The following SAP30BP variants were observed in gnomAD, a reference collection of about 807,000 sequenced individuals.
The protein encoded by SAP30BP is SAP30-binding protein.
A neutral mutation model predicts 46.3 loss-of-function variants in SAP30BP; 31 were observed. The ratio of observed to expected loss-of-function variants is 0.67; its 90% CI spans 0.50 to 0.90. The LOEUF (loss-of-function observed/expected upper bound fraction) is 0.90, where lower values mean the gene tolerates loss of function less well. Among genes scored for constraint, SAP30BP ranks in the 40% least tolerant of loss-of-function variants. SAP30BP has a pLI of 0.00. For missense variants in SAP30BP, 312 were observed against 391.0 expected, an observed-to-expected ratio of 0.80 and a Z score of 1.70; for synonymous variants, 169 against 144.2, an observed-to-expected ratio of 1.17 and a Z score of -1.23.
chr17:75,705,555 T>A, intron 9 of SAP30BP: 1 of 955,176 alleles, frequency 1.0e-6, no homozygotes, highest in South Asian at 4.1e-5. Context: ...TTTCTCATTC[T>A]TAACCCTTGA....
chr17:75,671,906 G>C (rs779166000), intron 3 of SAP30BP, 43 bp downstream of exon 3: 2 of 1,501,760 alleles, frequency 1.3e-6, no homozygotes, highest in Non-Finnish European at 1.9e-6. Flanking sequence ...TGCAAACAAG[G>C]TGTTTGAACA....
chr17:75,705,992 C>T lies in SAP30BP; in HGVS notation c.661-16C>T, dbSNP rs781631947. ...CAGCTTTGCCTGGTCTTATTCTCTTCCCTCTCCCTCTCCAGATTGAGTTTG... is the reference window on the plus strand; with the variant it reads ...CAGCTTTGCCTGGTCTTATTCTCTTTCCTCTCCCTCTCCAGATTGAGTTTG... On this transcript the variant is annotated splice_polypyrimidine_tract_variant and intron_variant, in intron 9 of 10. Coordinates refer to ENST00000584667, the MANE Select transcript of SAP30BP (RefSeq NM_013260.8). 3.7e-6 allele frequency: 6 copies of T among 1,612,038 alleles called. No homozygotes were observed. Among genetic ancestry groups the T allele is most frequent in the African/African-American group, 2.7e-5 (2 of 74,936 alleles).
chr17:75,692,348 G>A, intron 3 of SAP30BP: 1 of 985,446 alleles, frequency 1.0e-6, no homozygotes, highest in Non-Finnish European at 1.2e-6. Flanking sequence ...AGGTCTTGTT[G>A]CAGGGTCTTC....
chr17:75,690,048 A>G (rs1157944271), intron 3 of SAP30BP, among the ~76,000 whole-genome samples: 3 of 152,244 alleles, frequency 2.0e-5, no homozygotes, highest in Non-Finnish European at 4.4e-5. Flanking sequence ...CTGGGAGCCC[A>G]AACCTTACTT....
chr17:75,701,518 T>TCC (rs1304559785), intron 5 of SAP30BP, among the ~76,000 whole-genome samples: 2 of 152,130 alleles, frequency 1.3e-5, no homozygotes, highest in Non-Finnish European at 2.9e-5. Flanking sequence ...TTCTCCACTC[T>TCC]CCCATCGAAA....
At chr17:75,693,953 G>A (rs1403106588) in intron 4 of SAP30BP, among the ~76,000 whole-genome samples, 1 of 152,184 alleles carries the variant, frequency 6.6e-6, no homozygotes, top group East Asian at 1.9e-4. Context: ...TTTGGGAGGA[G>A]CAGGGACACT....
intron 5 of SAP30BP, among the ~76,000 whole-genome samples, chr17:75,701,089 A>G (rs913708896): frequency 2.3e-4 from 35 of 152,272 alleles, no homozygotes; most frequent in African/African-American, 7.9e-4. Flanking sequence ...CTCTCTCTGC[A>G]GTTCAGCTCT....
intron 4 of SAP30BP, among the ~76,000 whole-genome samples, chr17:75,698,845 G>T (rs964512705): frequency 6.6e-6 from 1 of 152,098 alleles, no homozygotes; most frequent in African/African-American, 2.4e-5. Context: ...CCATCCCCAC[G>T]CCCAGCTGGT....
intron 2 of SAP30BP, 36 bp from the exon 3 acceptor site, chr17:75,671,780 C>T: frequency 6.3e-7 from 1 of 1,589,978 alleles, no homozygotes; most frequent in Non-Finnish European, 8.6e-7. Flanking sequence ...AGGCCCGCTC[C>T]TTTAAGCTTA....
intron 4 of SAP30BP, among the ~76,000 whole-genome samples, chr17:75,698,827 C>T (rs1248935626): frequency 1.3e-5 from 2 of 152,244 alleles, no homozygotes; most frequent in African/African-American, 4.8e-5. Flanking sequence ...TGGCGCCTCC[C>T]TGCTTCCCCA....
chr17:75,695,112 T>C (rs2060298087), intron 4 of SAP30BP, among the ~76,000 whole-genome samples: 1 of 152,224 alleles, frequency 6.6e-6, no homozygotes, highest in South Asian at 2.1e-4. Context: ...CTCCTCACTA[T>C]AGCTTTGCCT....
intron 5 of SAP30BP, among the ~76,000 whole-genome samples, chr17:75,700,617 C>T (rs566474379): frequency 1.7e-3 from 266 of 152,308 alleles, no homozygotes; most frequent in Non-Finnish European, 2.1e-3. Flanking sequence ...GGACCTGAGG[C>T]TAAGGAATGC....
chr17:75,690,575 T>G (rs183690742), intron 3 of SAP30BP: 61 of 418,038 alleles, frequency 1.5e-4, no homozygotes, highest in African/African-American at 8.8e-4. Flanking sequence ...CACCTCAGCC[T>G]CTCAAAGTGC....
chr17:75,678,900 A>G (rs926920282), intron 3 of SAP30BP, among the ~76,000 whole-genome samples: 2 of 152,062 alleles, frequency 1.3e-5, no homozygotes, highest in African/African-American at 4.8e-5. Context: ...ACCTTCATAT[A>G]ACGAAGGACC....
intron 9 of SAP30BP, chr17:75,705,221 A>G (rs1206615604): frequency 4.4e-6 from 1 of 228,670 alleles, no homozygotes; most frequent in African/African-American, 2.3e-5. Context: ...GGTGCTACCT[A>G]TTAGGTCCCA....
chr17:75,693,017 C>G (rs1447781683), intron 3 of SAP30BP: 1 of 157,734 alleles, frequency 6.3e-6, no homozygotes, highest in Non-Finnish European at 1.4e-5. Context: ...TCACCTCTTG[C>G]TTCCTTGGTA....
Position 75,702,561 on chromosome 17 carries a change from C to T in SAP30BP, c.478C>T (p.Arg160Trp). ...NYIIQRKKEFRNPSIYEKLIQ... is the reference protein window; with the variant it reads ...NYIIQRKKEFWNPSIYEKLIQ... ...CATTATCCAAAGGAAGAAAGAATTT[C>T]GGAACCCTAGGTAAGTTTCCCTTGA... The change falls in exon 6 of 11, where the codon CGG becomes TGG. Residue 160 changes from arginine to tryptophan, a missense_variant. Around this residue, in one of 2 missense-constraint regions of SAP30BP, gnomAD observed 296 missense variants for 346.6 expected, o/e 0.85. Coordinates refer to ENST00000584667, the MANE Select transcript of SAP30BP (RefSeq NM_013260.8). 6.6e-7 allele frequency: 1 copy of T among 1,526,480 alleles called. No homozygotes were observed. 94.6% of individuals were successfully genotyped at this position (1,526,480 alleles called of 1,614,324 possible).
At chr17:75,687,618 G>GAA (rs112544254) in intron 3 of SAP30BP, among the ~76,000 whole-genome samples, 13 of 113,444 alleles carry the variant, frequency 1.1e-4, no homozygotes, top group Admixed American at 4.6e-4. Flanking sequence ...CCTGTCTCAG[G>GAA]AAAAAAAAAA....
intron 5 of SAP30BP, among the ~76,000 whole-genome samples, chr17:75,701,911 A>G (rs760996332): frequency 6.6e-5 from 10 of 152,062 alleles, no homozygotes; most frequent in Admixed American, 3.9e-4. Context: ...TGCTCACTAT[A>G]CTGTCATCCA....
Sources: gnomAD v4.1 joint callset for allele counts (sites outside exome capture counted in the v4.1 genomes callset) on GRCh38, gnomAD v4.1.1 for gene constraint, gnomAD v4.1.1 regional missense constraint, MANE v1.5 for transcripts, NCBI Gene and HGNC (gene_info 2026-07-23, HGNC 2026-07-21) for gene names.